UGT2A1: variants seen among roughly 807,000 people sequenced by gnomAD.
UGT2A1 encodes UDP glucuronosyltransferase family 2 member A1 complex locus, also known as UDP-glucuronosyltransferase 2A1.
UGT2A1 carries 61 observed loss-of-function variants against 45.4 expected under a neutral mutation model. That is an observed-to-expected ratio of 1.34 (90% confidence interval 1.09 to 1.66). The LOEUF (loss-of-function observed/expected upper bound fraction) is 1.66, where lower values mean the gene tolerates loss of function less well. Ranked by LOEUF, UGT2A1 falls within the 40% of genes most tolerant of loss-of-function variation. The pLI is 0.00. For synonymous variants in UGT2A1, 229 were observed against 196.2 expected, an observed-to-expected ratio of 1.17 and a Z score of -1.40; for missense variants, 649 against 574.3, an observed-to-expected ratio of 1.13 and a Z score of -1.33.
chr4:69,595,307 T>A, intron 4 of UGT2A1, 58 bp from the exon 5 acceptor site: 3 of 1,584,760 alleles, frequency 1.9e-6, no homozygotes, highest in Non-Finnish European at 2.6e-6. Flanking sequence ...CATTTTAAGT[T>A]GGGAGAATTA....
At chr4:69,595,689 T>C (rs1718882168) in intron 4 of UGT2A1, among the ~76,000 whole-genome samples, 2 of 152,200 alleles carry the variant, frequency 1.3e-5, no homozygotes, top group Non-Finnish European at 2.9e-5. Flanking sequence ...GTTAATTGAA[T>C]AACATAAGTC....
At chr4:69,627,106 A>G (rs1294646588) in intron 3 of UGT2A1, among the ~76,000 whole-genome samples, 2 of 151,908 alleles carry the variant, frequency 1.3e-5, no homozygotes, top group Non-Finnish European at 2.9e-5. Flanking sequence ...GGACAAAGAG[A>G]GAAAATATAT....
Position 69,605,474 on chromosome 4 carries a change from G to T in UGT2A1, c.848-6080C>A, listed in dbSNP as rs373886758. Among the ~76,000 whole-genome samples, 38 of 136,812 alleles carry T rather than the reference G, an allele frequency of 2.8e-4. 6 individuals carry two copies. The highest frequency in any genetic ancestry group is 2.5e-3 in the Admixed American group (34 of 13,872). 89.8% of individuals were successfully genotyped at this position (136,812 alleles called of 152,430 possible). ...AATGCCCACAGAACAGAGCAGGAAA[G>T]ATCTAAAATTGACACCCCAACATCA... is the stretch of plus-strand genomic sequence containing the variant. On this transcript the variant is annotated intron_variant, in intron 3 of 6. Coordinates refer to ENST00000286604, the MANE Select transcript of UGT2A1 (RefSeq NM_001252275.3).
chr4:69,612,087 C>G (rs982739120), intron 3 of UGT2A1, among the ~76,000 whole-genome samples: 5 of 152,070 alleles, frequency 3.3e-5, no homozygotes, highest in African/African-American at 1.2e-4. Flanking sequence ...GAAACTGACA[C>G]TAGCCTCAAA....
At chr4:69,609,913 T>C (rs1479150400) in intron 3 of UGT2A1, among the ~76,000 whole-genome samples, 2 of 152,196 alleles carry the variant, frequency 1.3e-5, no homozygotes, top group Non-Finnish European at 2.9e-5. Flanking sequence ...ATTGTATCTC[T>C]ACACTAATGT....
intron 3 of UGT2A1, among the ~76,000 whole-genome samples, chr4:69,611,940 A>G (rs72853641): frequency 0.013 from 1,968 of 152,218 alleles, 35 homozygotes; most frequent in African/African-American, 0.045. Context: ...ATTCCATTAC[A>G]TGGAAATGTA....
intron 2 of UGT2A1, among the ~76,000 whole-genome samples, chr4:69,644,540 C>A (rs934122135): frequency 6.6e-6 from 1 of 151,642 alleles, no homozygotes; most frequent in African/African-American, 2.4e-5. Flanking sequence ...CATTGCTTCA[C>A]AAAACTTCAA....
Position 69,595,221 on chromosome 4 carries a change from G to C in UGT2A1, c.1025C>G (p.Pro342Arg), listed in dbSNP as rs141445080. ...CTGAGTATTGTTTCCTAATGTGGCTGGTTTCTTTCCTTTGTATCTCCATAA... is the reference window on the plus strand; with the variant it reads ...CTGAGTATTGTTTCCTAATGTGGCTCGTTTCTTTCCTTTGTATCTCCATAA... ...KVLWRYKGKK[P>R]ATLGNNTQLF... Residue 342 changes from proline to arginine, a missense_variant, in exon 5 of 7, where the codon CCA becomes CGA. By Grantham distance (103) the Pro-to-Arg change is moderately radical (BLOSUM62 -2). Coordinates refer to ENST00000286604, the MANE Select transcript of UGT2A1 (RefSeq NM_001252275.3). 1.4e-4 allele frequency: 230 copies of C among 1,613,736 alleles called. No individual in the cohort carries two copies. In the African/African-American group the frequency reaches 2.9e-3, roughly 20 times the overall value.
At chr4:69,604,320 C>T (rs10027493) in intron 3 of UGT2A1, among the ~76,000 whole-genome samples, 34,578 of 122,042 alleles carry the variant, frequency 0.28, 9,666 homozygotes, top group East Asian at 0.69. Flanking sequence ...CCAAACTAAG[C>T]TTCATAAGAG....
intron 3 of UGT2A1, among the ~76,000 whole-genome samples, chr4:69,615,662 A>T (rs1720335187): frequency 6.6e-6 from 1 of 151,972 alleles, no homozygotes; most frequent in African/African-American, 2.4e-5. Flanking sequence ...CTATAATGAG[A>T]TATCATCTGA....
At position 69,646,952 on chromosome 4, in the gene UGT2A1, A is replaced by C; in HGVS notation, c.693T>G (p.Asp231Glu). 19 of 1,596,126 alleles carry C rather than the reference A, an allele frequency of 1.2e-5. No individual in the cohort carries two copies. Among genetic ancestry groups the C allele is most frequent in the Non-Finnish European group, 1.6e-5 (19 of 1,172,992 alleles). The change falls in exon 2 of 7, where the codon GAT becomes GAG. Residue 231 changes from aspartate to glutamate, a missense_variant. Coordinates refer to ENST00000286604, the MANE Select transcript of UGT2A1 (RefSeq NM_001252275.3). ...YMFETLWKSW[D>E]SYYSKALGGL... ...TACCTAAAGCTTTACTATAGTATGA[A>C]TCCCATGATTTCCAAAGAGTTTCAA...
At chr4:69,598,706 AAG>A (rs1029028181) in intron 4 of UGT2A1, among the ~76,000 whole-genome samples, 25 of 152,212 alleles carry the variant, frequency 1.6e-4, no homozygotes, top group African/African-American at 6.0e-4. Context: ...GTCAACTCAA[AAG>A]AGTTTTTTTT....
Position 69,599,314 on chromosome 4 carries a change from G to A in UGT2A1, c.928C>T (p.Arg310Cys), listed in dbSNP as rs146066278. The change falls in exon 4 of 7, where the codon CGT (arginine) becomes TGT (cysteine). Residue 310 changes from arginine to cysteine, a missense_variant. Coordinates refer to ENST00000286604, the MANE Select transcript of UGT2A1 (RefSeq NM_001252275.3). ...IRTYWDFEFP[R>C]PYLPNFEFVG... ...AACTCAAAATTAGGTAAGTATGGACGAGGAAATTCAAAATCCCAATATGTT... is the reference window on the plus strand; with the variant it reads ...AACTCAAAATTAGGTAAGTATGGACAAGGAAATTCAAAATCCCAATATGTT... 1.8e-4 allele frequency: 291 copies of A among 1,613,790 alleles called. No individual in the cohort carries two copies. In the Middle Eastern group the frequency reaches 2.6e-3, roughly 15 times the overall value.
chr4:69,620,285 T>C (rs1193592264), intron 3 of UGT2A1, among the ~76,000 whole-genome samples: 1 of 131,544 alleles, frequency 7.6e-6, no homozygotes, highest in Non-Finnish European at 1.7e-5. Context: ...TACAGTAAAG[T>C]TTCAGGAAAA....
intron 1 of UGT2A1, among the ~76,000 whole-genome samples, chr4:69,651,214 G>A (rs1722508087): frequency 1.3e-5 from 2 of 152,068 alleles, no homozygotes; most frequent in South Asian, 4.1e-4. Context: ...GCTTAAAGAG[G>A]TTGTTAAGTA....
At chr4:69,629,305 A>C (rs1394907951) in intron 3 of UGT2A1, among the ~76,000 whole-genome samples, 1 of 152,066 alleles carries the variant, frequency 6.6e-6, no homozygotes, top group Admixed American at 6.6e-5. Flanking sequence ...TTTACTTTGC[A>C]GGTCTGGATT....
chr4:69,642,765 T>C (rs1446234094), intron 2 of UGT2A1, among the ~76,000 whole-genome samples: 3 of 151,618 alleles, frequency 2.0e-5, no homozygotes, highest in East Asian at 1.9e-4. Context: ...TATAATGTTA[T>C]GTATTTTTAC....
At position 69,607,248 on chromosome 4, in the gene UGT2A1, C is replaced by T. The variant is rs1347247502; in HGVS notation, c.848-7854G>A. ...AAAGACCAATGGAACAGAACAGAGCCCTCAGAAATAATGCTGCGTATCTAC... is the reference window on the plus strand; with the variant it reads ...AAAGACCAATGGAACAGAACAGAGCTCTCAGAAATAATGCTGCGTATCTAC... On this transcript the variant is annotated intron_variant, in intron 3 of 6. Transcript: ENST00000286604. 7.9e-3 allele frequency among the ~76,000 whole-genome samples: 1,176 copies of T among 148,732 alleles called. 13 individuals carry two copies. Among genetic ancestry groups the T allele is most frequent in the African/African-American group, 0.027 (1,069 of 39,384 alleles).
chr4:69,590,584 A>T (rs1718531803), intron 6 of UGT2A1, among the ~76,000 whole-genome samples: 1 of 152,086 alleles, frequency 6.6e-6, no homozygotes, highest in South Asian at 2.1e-4. Flanking sequence ...GTCATCATTT[A>T]CAAGAGAACA....
Sources: gnomAD v4.1 joint callset for allele counts (sites outside exome capture counted in the v4.1 genomes callset) on GRCh38, gnomAD v4.1.1 for gene constraint, MANE v1.5 for transcripts, NCBI Gene and HGNC (gene_info 2026-07-23, HGNC 2026-07-21) for gene names.